Variants in SLC27A4 observed in about 807,000 individuals in gnomAD.
SLC27A4 encodes solute carrier family 27 member 4.
In SLC27A4, 33 loss-of-function variants were observed where a neutral mutation model predicts 64.4. The ratio of observed to expected loss-of-function variants is 0.51; its 90% CI spans 0.39 to 0.68. SLC27A4 has a LOEUF of 0.68. Among genes scored for constraint, SLC27A4 ranks in the 30% least tolerant of loss-of-function variants. The probability of loss-of-function intolerance (pLI) is 0.00; values close to 1 mark genes in which losing one functional copy is unlikely to be tolerated. For missense variants in SLC27A4, 824 were observed against 883.5 expected (o/e 0.93, Z 0.85); for synonymous variants, 377 against 370.0 (o/e 1.02, Z -0.22).
At position 128,342,569 on chromosome 9, in the gene SLC27A4, A is replaced by G. The variant is rs1477165568; in HGVS notation, c.-6-558A>G. The G allele has an allele frequency of 6.8e-6, 4 of 586,438 alleles. No homozygotes were observed. The African/African-American group carries it at 7.6e-5, about 11-fold the overall frequency. 36.3% of individuals were successfully genotyped at this position (586,438 alleles called of 1,614,324 possible). On this transcript the variant is annotated intron_variant, in intron 1 of 12. Transcript: ENST00000300456. ...CTGTCTATCTGGCTGGCAGGGAAGG[A>G]AAGAACTTGCTTGTTGGTGAAGGAA... is the stretch of plus-strand genomic sequence containing the variant.
At chr9:128,343,354 C>A (rs1832606855) in intron 2 of SLC27A4, 61 bp downstream of exon 2, 2 of 1,592,752 alleles carry the variant, frequency 1.3e-6, no homozygotes, top group South Asian at 1.1e-5. Context: ...TCTGGTCCCC[C>A]AAATCTCCCC....
At chr9:128,342,401 C>T (rs2131248668) in intron 1 of SLC27A4, 1 of 1,606,980 alleles carries the variant, frequency 6.2e-7, no homozygotes, top group East Asian at 2.2e-5. Flanking sequence ...TTGTACATTC[C>T]ACAAGTATTG....
At position 128,348,541 on chromosome 9, in the gene SLC27A4, A is replaced by G; in HGVS notation, c.557-4A>G. Reference sequence around the variant, plus strand: ...TGCCTGCTGACTGCCCTGTCTCCCCACAGCCATCTGTGAGGTCCATGCCAG... The same window carrying G: ...TGCCTGCTGACTGCCCTGTCTCCCCGCAGCCATCTGTGAGGTCCATGCCAG... On this transcript the variant is annotated splice_region_variant and splice_polypyrimidine_tract_variant and intron_variant, in intron 3 of 12. Coordinates refer to ENST00000300456, the MANE Select transcript of SLC27A4 (RefSeq NM_005094.4). 6.2e-7 allele frequency: 1 copy of G among 1,612,904 alleles called. No homozygotes were observed. Among genetic ancestry groups the G allele is most frequent in the Non-Finnish European group, 8.5e-7 (1 of 1,180,012 alleles).
chr9:128,346,701 C>CA (rs1231801393), intron 3 of SLC27A4, among the ~76,000 whole-genome samples: 21 of 147,124 alleles, frequency 1.4e-4, no homozygotes, highest in Admixed American at 2.7e-4. Context: ...GACCCTGTCT[C>CA]AAAAAAAACA....
chr9:128,351,934 C>G (rs896675622), intron 6 of SLC27A4, among the ~76,000 whole-genome samples: 12 of 151,696 alleles, frequency 7.9e-5, no homozygotes, highest in Non-Finnish European at 1.8e-4. Flanking sequence ...CGCCTGTAAT[C>G]CCAACACTTT....
At chr9:128,352,501 C>A (rs1832752040) in intron 6 of SLC27A4, 137 bp from the exon 7 acceptor site, 10 of 740,738 alleles carry the variant, frequency 1.3e-5, no homozygotes, top group Non-Finnish European at 2.1e-5. Context: ...GAGGAGGTCA[C>A]CCAAGGCAGG....
At chr9:128,349,562 T>C (rs980169912) in intron 4 of SLC27A4, among the ~76,000 whole-genome samples, 5 of 152,152 alleles carry the variant, frequency 3.3e-5, no homozygotes, top group Admixed American at 1.3e-4. Context: ...CTTGGGTGCA[T>C]TTGTCAGCTG....
intron 9 of SLC27A4, among the ~76,000 whole-genome samples, chr9:128,354,801 A>C (rs2131268037): frequency 6.6e-6 from 1 of 151,818 alleles, no homozygotes; most frequent in African/African-American, 2.4e-5. Context: ...TAAAAAAAAA[A>C]AATTAGCTGG....
chr9:128,358,030 A>G (rs1055701418), intron 12 of SLC27A4, among the ~76,000 whole-genome samples: 4 of 152,162 alleles, frequency 2.6e-5, no homozygotes, highest in Non-Finnish European at 5.9e-5. Context: ...CAGACCTTGT[A>G]TTTCAGATGG....
In SLC27A4 at chr9:128,355,413, T is replaced by C; in HGVS notation, c.1478T>C (p.Met493Thr). The C allele has an allele frequency of 6.2e-7, 1 of 1,613,600 alleles. No homozygotes were observed. The highest frequency in any genetic ancestry group is 2.2e-5 in the East Asian group (1 of 44,860). The change falls in exon 11 of 13, where the codon ATG becomes ACG. Residue 493 changes from methionine to threonine, a missense_variant. Met to Thr is a moderately conservative substitution (Grantham distance 81). Transcript: ENST00000300456. ...CCCTCCCTAGGTGATGTGCTGGTGA[T>C]GGACGAGCTGGGCTACCTGTACTTC... The part of the protein sequence containing the change: ...QAYLTGDVLV[M>T]DELGYLYFRD...
Position 128,345,646 on chromosome 9 carries a change from G to GGTTAA in SLC27A4, c.556+99_556+103dup, listed in dbSNP as rs1428387344. 1 of 1,393,754 alleles carries GGTTAA rather than the reference G, an allele frequency of 7.2e-7. No individual in the cohort carries two copies. Among genetic ancestry groups the GGTTAA allele is most frequent in the East Asian group, 2.4e-5 (1 of 40,944 alleles). The allele number at this position is 1,393,754 out of a possible 1,614,324, so 86.3% of individuals were successfully genotyped here. On this transcript the variant is annotated intron_variant, in intron 3 of 12. Transcript: ENST00000300456. The surrounding 1 kb of genome is among the most constrained non-coding windows in gnomAD (Gnocchi z 4.1). ...CCCTGCCAAGGCTGTGTGGGTCAGTGGTTAAGGGCACAGAGTGGAGTCAGA... is the reference window on the plus strand; with the variant it reads ...CCCTGCCAAGGCTGTGTGGGTCAGTGGTTAAGTTAAGGGCACAGAGTGGAGTCAGA...
rs60358954 is a variant in SLC27A4, at chr9:128,346,932, G to C, written c.556+1383G>C. On this transcript the variant is annotated intron_variant, in intron 3 of 12. Transcript: ENST00000300456. ...AGGTAGGAGAATCGCTTGAACCCAG[G>C]AGACAGAGGTTGCAGTGAGCCGAGA... 1.5e-3 allele frequency among the ~76,000 whole-genome samples: 222 copies of C among 152,134 alleles called. 1 individual carries two copies. The highest frequency in any genetic ancestry group is 5.1e-3 in the African/African-American group (210 of 41,488).
Position 128,345,393 on chromosome 9 carries a change from G to A in SLC27A4, c.400G>A (p.Glu134Lys). The A allele has an allele frequency of 6.2e-7, 1 of 1,613,782 alleles. No individual in the cohort carries two copies. ...GGGCGATGTGGCTGCCATCTTCATG[G>A]AGAACCGCAATGAGTTCGTGGGCCT... ...ASGDVAAIFM[E>K]NRNEFVGLWL... The change falls in exon 3 of 13, where the codon GAG becomes AAG. Residue 134 changes from glutamate (E) to lysine (K), a missense_variant. Transcript: ENST00000300456. The surrounding 1 kb of genome is among the most constrained non-coding windows in gnomAD (Gnocchi z 4.1).
rs200997693 is a variant in SLC27A4 at position 128,343,117 on chromosome 9, G to T, written c.-6-10G>T. On this transcript the variant is annotated splice_polypyrimidine_tract_variant and intron_variant, in intron 1 of 12. Transcript: ENST00000300456. ...GGTGTTTGGGTCCACTAACTGCCCT[G>T]TGTCCGCAGGCCACAATGCTGCTTG... is the stretch of plus-strand genomic sequence containing the variant. 9 of 1,612,982 alleles carry T rather than the reference G, an allele frequency of 5.6e-6. No homozygotes were observed. In the African/African-American group the frequency reaches 1.2e-4, roughly 22 times the overall value.
intron 5 of SLC27A4, 29 bp from the exon 6 acceptor site, chr9:128,350,455 G>C (rs17848329): frequency 1.2e-6 from 2 of 1,611,532 alleles, no homozygotes; most frequent in South Asian, 1.1e-5. Flanking sequence ...TCTAGGGCCC[G>C]CTCAGCCCTT....
At chr9:128,356,954 TATG>T (rs1046266378) in intron 12 of SLC27A4, among the ~76,000 whole-genome samples, 6 of 150,048 alleles carry the variant, frequency 4.0e-5, no homozygotes, top group African/African-American at 1.5e-4. Context: ...ATTAGCCAGG[TATG>T]GTGGTGGGCG....
intron 1 of SLC27A4, chr9:128,342,445 T>G: frequency 6.4e-7 from 1 of 1,574,312 alleles, no homozygotes; most frequent in Non-Finnish European, 8.7e-7. Context: ...CTGTTTAACT[T>G]TGTAAGATGC....
rs752720767 is a variant in SLC27A4, at chr9:128,345,177, G to C, written c.184G>C (p.Val62Leu). Residue 62 changes from valine (V) to leucine (L), a missense_variant, in exon 3 of 13, where the codon GTG becomes CTG. Coordinates refer to ENST00000300456, the MANE Select transcript of SLC27A4 (RefSeq NM_005094.4). This position sits in a 1 kb window ranked among gnomAD's most constrained non-coding sequence, Gnocchi z 4.1. ...DIFGGLVLLK[V>L]KAKVRQCLQE... ...CAGTGGCGGCCTGGTCCTCCTGAAGGTGAAGGCAAAGGTGCGACAGTGCCT... is the reference window on the plus strand; with the variant it reads ...CAGTGGCGGCCTGGTCCTCCTGAAGCTGAAGGCAAAGGTGCGACAGTGCCT... The C allele has an allele frequency of 6.2e-7, 1 of 1,613,262 alleles. No individual in the cohort carries two copies. Among genetic ancestry groups the C allele is most frequent in the Admixed American group, 1.7e-5 (1 of 60,002 alleles).
chr9:128,349,381 CA>C (rs900837637), intron 4 of SLC27A4, among the ~76,000 whole-genome samples: 3 of 152,118 alleles, frequency 2.0e-5, no homozygotes, highest in Non-Finnish European at 4.4e-5. Flanking sequence ...CCTCAGTTCC[CA>C]CAGCCATAAA....
Sources: allele counts gnomAD v4.1 joint callset (sites outside exome capture counted in the v4.1 genomes callset), GRCh38; gene constraint gnomAD v4.1.1; non-coding constraint Gnocchi (gnomAD v3.1); transcripts MANE v1.5; gene names NCBI Gene and HGNC (gene_info 2026-07-23, HGNC 2026-07-21).